Variants in ST3GAL2 observed in about 807,000 individuals in gnomAD.
ST3GAL2 encodes ST3 beta-galactoside alpha-2,3-sialyltransferase 2, also known as CMP-N-acetylneuraminate-beta-galactosamide-alpha-2,3-sialyltransferase 2.
In ST3GAL2, 16 loss-of-function variants were observed where a neutral mutation model predicts 37.5. The ratio of observed to expected loss-of-function variants is 0.43; its 90% confidence interval spans 0.29 to 0.65. ST3GAL2 has a LOEUF of 0.65. Ranked by LOEUF, ST3GAL2 falls within the 30% of genes least tolerant of loss-of-function variation. ST3GAL2 has a pLI of 0.17. For synonymous variants in ST3GAL2, 238 were observed against 202.9 expected (o/e 1.17, Z -1.47); for missense variants, 383 against 487.8 (o/e 0.79, Z 2.02).
chr16:70,415,923 G>A (rs1031884795), intron 1 of ST3GAL2, among the ~76,000 whole-genome samples: 5 of 150,462 alleles, frequency 3.3e-5, no homozygotes, highest in Non-Finnish European at 7.4e-5. Context: ...CTACAGGCAC[G>A]CGCCACCACG....
rs781264337 is a variant in ST3GAL2, at chr16:70,398,982, C to T, written c.-452G>A. On this transcript the variant is annotated 5_prime_UTR_variant, in exon 2 of 7. Transcript: ENST00000342907. ...AGACAATGAGGCGGCCCCTCGTTCC[C>T]GGCAGCGGGGAAGCCCTAGAACTCC... 1.3e-4 allele frequency: 55 copies of T among 416,016 alleles called. No individual in the cohort carries two copies. The highest frequency in any genetic ancestry group is 1.1e-3 in the East Asian group (31 of 29,208). The allele number at this position is 416,016 out of a possible 1,614,324, so 25.8% of individuals were successfully genotyped here.
At chr16:70,386,344 C>T (rs760072933) in intron 4 of ST3GAL2, among the ~76,000 whole-genome samples, 6 of 152,132 alleles carry the variant, frequency 3.9e-5, no homozygotes, top group East Asian at 1.9e-4. Context: ...CCTGCCACCA[C>T]GGCCGGCTAA....
chr16:70,409,738 T>C (rs1316902112), intron 1 of ST3GAL2, among the ~76,000 whole-genome samples: 1 of 151,182 alleles, frequency 6.6e-6, no homozygotes, highest in African/African-American at 2.4e-5. Context: ...CCACCTGGGC[T>C]CAAATGATCC....
intron 1 of ST3GAL2, among the ~76,000 whole-genome samples, chr16:70,422,099 T>A (rs1316167667): frequency 6.6e-6 from 1 of 152,146 alleles, no homozygotes; most frequent in South Asian, 2.1e-4. Context: ...GATGGACCAA[T>A]GCTGGAGGAC....
intron 1 of ST3GAL2, among the ~76,000 whole-genome samples, chr16:70,418,022 T>C (rs1201556006): frequency 2.6e-5 from 4 of 152,144 alleles, no homozygotes; most frequent in Non-Finnish European, 1.5e-5. Flanking sequence ...GGTCACACCG[T>C]AGATGTATAA....
rs2047346207 is a variant in ST3GAL2, at chr16:70,376,405, A to G, written c.*5284T>C. 6.6e-6 allele frequency: 1 copy of G among 152,196 alleles called. No individual in the cohort carries two copies. Among genetic ancestry groups the G allele is most frequent in the Admixed American group, 6.5e-5 (1 of 15,274 alleles). The allele number at this position is 152,196 out of a possible 1,614,324, so 9.4% of individuals were successfully genotyped here. On this transcript the variant is annotated 3_prime_UTR_variant, in exon 7 of 7. Transcript: ENST00000342907. ...CTGCCAGAGAGTCTGTGCTGTTCTC[A>G]GCAGCACAAACAGTTGCTAGAGGAA...
chr16:70,431,985 A>ATAT (rs1454729972), intron 1 of ST3GAL2, among the ~76,000 whole-genome samples: 3 of 139,056 alleles, frequency 2.2e-5, no homozygotes, highest in East Asian at 2.0e-4. Context: ...ATATATATAT[A>ATAT]TTTTTTTTTA....
chr16:70,402,782 T>G (rs1484061802), intron 1 of ST3GAL2, among the ~76,000 whole-genome samples: 1 of 152,200 alleles, frequency 6.6e-6, no homozygotes, highest in East Asian at 1.9e-4. Flanking sequence ...CCTGAGTAGC[T>G]GGGATTACAG....
At chr16:70,424,533 G>A (rs2047737653) in intron 1 of ST3GAL2, among the ~76,000 whole-genome samples, 1 of 151,722 alleles carries the variant, frequency 6.6e-6, no homozygotes, top group Non-Finnish European at 1.5e-5. Flanking sequence ...CCCGGGAGGT[G>A]GAGGTCGCGG....
intron 1 of ST3GAL2, chr16:70,400,614 C>T (rs1473679963): frequency 6.6e-6 from 1 of 152,388 alleles, no homozygotes; most frequent in East Asian, 1.9e-4. Context: ...GCCACAAAGC[C>T]AGCAGGGAAT....
chr16:70,397,904 A>C (rs1408582171), intron 2 of ST3GAL2, among the ~76,000 whole-genome samples: 12 of 151,826 alleles, frequency 7.9e-5, no homozygotes, highest in Admixed American at 7.9e-4. Flanking sequence ...CCTCTGGGGC[A>C]GGCCCCCCAT....
intron 1 of ST3GAL2, among the ~76,000 whole-genome samples, chr16:70,438,677 G>A (rs2047844486): frequency 6.6e-6 from 1 of 151,754 alleles, no homozygotes; most frequent in Non-Finnish European, 1.5e-5. Flanking sequence ...GGTTGGGGTT[G>A]GGGGCTGCCG....
chr16:70,394,616 G>A (rs945404668), intron 3 of ST3GAL2, among the ~76,000 whole-genome samples: 4 of 152,090 alleles, frequency 2.6e-5, no homozygotes, highest in Non-Finnish European at 4.4e-5. Flanking sequence ...GGGCTCAAGC[G>A]ATCCTCCCAC....
At chr16:70,388,263 G>C in intron 4 of ST3GAL2, 104 bp downstream of exon 4, 1 of 1,495,220 alleles carries the variant, frequency 6.7e-7, no homozygotes, top group Non-Finnish European at 9.1e-7. Flanking sequence ...AGCCCCTCTT[G>C]GCCAAAATGT....
At chr16:70,381,970 G>A in intron 6 of ST3GAL2, 108 bp from the exon 7 acceptor site, 1 of 1,438,244 alleles carries the variant, frequency 7.0e-7, no homozygotes, top group Non-Finnish European at 9.5e-7. Flanking sequence ...CCGGGGAGAT[G>A]CAGGAGCCCC....
At chr16:70,407,894 A>C (rs1567672198) in intron 1 of ST3GAL2, among the ~76,000 whole-genome samples, 1 of 152,140 alleles carries the variant, frequency 6.6e-6, no homozygotes, top group Non-Finnish European at 1.5e-5. Flanking sequence ...AGCTGAATAC[A>C]ACCTTCTTGG....
intron 1 of ST3GAL2, among the ~76,000 whole-genome samples, chr16:70,430,276 G>A (rs2047780723): frequency 1.3e-5 from 2 of 152,240 alleles, no homozygotes; most frequent in African/African-American, 4.8e-5. Flanking sequence ...AAATACCTCA[G>A]CCAGGTCTGA....
At chr16:70,402,071 G>A (rs1210760240) in intron 1 of ST3GAL2, among the ~76,000 whole-genome samples, 1 of 150,418 alleles carries the variant, frequency 6.6e-6, no homozygotes, top group Non-Finnish European at 1.5e-5. Context: ...AGGCCGAGGC[G>A]GGTGGATCAC....
rs146105059 is a variant in ST3GAL2 at position 70,386,452 on chromosome 16, A to G, written c.713+1915T>C. The stretch of plus-strand genomic sequence containing the variant: ...TGTGATCCGCCCGCCTGGTCTCTCA[A>G]AGTGCTAGGATTACAGGCGTGACTC... On this transcript the variant is annotated intron_variant, in intron 4 of 6. Transcript: ENST00000342907. Among the ~76,000 whole-genome samples, 23 of 151,886 alleles carry G rather than the reference A, an allele frequency of 1.5e-4. No individual in the cohort carries two copies. The Middle Eastern group carries it at 0.01, about 68-fold the overall frequency.
Sources: gnomAD v4.1 joint callset for allele counts (sites outside exome capture counted in the v4.1 genomes callset) on GRCh38, gnomAD v4.1.1 for gene constraint, MANE v1.5 for transcripts, NCBI Gene and HGNC (gene_info 2026-07-23, HGNC 2026-07-21) for gene names.